Variants in COL6A1 observed in about 807,000 individuals in gnomAD.
COL6A1 encodes collagen type VI alpha 1 chain, also known as collagen alpha-1(VI) chain.
COL6A1 carries 80 observed loss-of-function variants against 145.6 expected under a neutral mutation model. The ratio of observed to expected loss-of-function variants is 0.55; its 90% CI spans 0.46 to 0.66. The LOEUF is 0.66. Ranked by LOEUF, COL6A1 falls within the 30% of genes least tolerant of loss-of-function variation. COL6A1 has a pLI of 0.00. For synonymous variants in COL6A1, 638 were observed against 622.8 expected (o/e 1.02, Z -0.36); for missense variants, 1,364 against 1,473.8 (o/e 0.93, Z 1.22).
chr21:46,001,978 G>A lies in COL6A1; in HGVS notation c.1974G>A (p.Ser658=), dbSNP rs568596125. 1.2e-5 allele frequency: 20 copies of A among 1,612,326 alleles called. No individual in the cohort carries two copies. The highest frequency in any genetic ancestry group is 2.7e-5 in the African/African-American group (2 of 74,916). The change falls in exon 31 of 35, where the codon TCG becomes TCA. Residue 658 remains serine (S), a synonymous_variant. Coordinates refer to ENST00000361866, the MANE Select transcript of COL6A1 (RefSeq NM_001848.3). ...TCCCACAGTTCGAGCCAGGGCAGTC[G>A]TACGCGGGTGTGGTGCAGTACAGCC... ...DELVKFEPGQ[S]YAGVVQYSHS... is the part of the protein sequence containing the mutation.
In COL6A1 at chr21:45,983,347, A is replaced by G. The variant is rs183365443; in HGVS notation, c.227+584A>G. Among the ~76,000 whole-genome samples, 362 of 138,010 alleles carry G rather than the reference A, an allele frequency of 2.6e-3. 3 individuals are homozygous for G. Among genetic ancestry groups the G allele is most frequent in the African/African-American group, 8.4e-3 (329 of 39,010 alleles). 90.5% of individuals were successfully genotyped at this position (138,010 alleles called of 152,430 possible). ...TCCATCTGTGCGTGTGGCTGAGGAC[A>G]GACCGGGGGGAGAGGGGAGTCGGTC... On this transcript the variant is annotated intron_variant, in intron 2 of 34. Transcript: ENST00000361866.
rs1254269427 is a variant in COL6A1 at position 45,982,015 on chromosome 21, C to T, written c.97+68C>T. The T allele has an allele frequency of 1.2e-5, 16 of 1,287,186 alleles. No homozygotes were observed. The East Asian group carries it at 4.0e-4, about 32-fold the overall frequency. The allele number at this position is 1,287,186 out of a possible 1,614,324, so 79.7% of individuals were successfully genotyped here. A position where few individuals can be genotyped will look rare whatever the true frequency, so the allele number is the denominator to read the frequency against. On this transcript the variant is annotated intron_variant, in intron 1 of 34. Transcript: ENST00000361866. ...TTGCTGCCGGCCAGGGCCAGATGCG[C>T]GGGGTCCCCTCCCACGCGTGGAACT...
chr21:45,992,770 C>A lies in COL6A1; in HGVS notation c.1295C>A (p.Pro432Gln), dbSNP rs1430838743. The change falls in exon 19 of 35, where the codon CCA becomes CAA. Residue 432 changes from proline (P) to glutamine (Q), a missense_variant. Pro to Gln is a moderately conservative substitution (Grantham distance 76). Around this residue, in one of 3 missense-constraint regions of COL6A1, gnomAD observed 938 missense variants for 1,003.8 expected, o/e 0.93. Coordinates refer to ENST00000361866, the MANE Select transcript of COL6A1 (RefSeq NM_001848.3). Reference protein sequence around the residue: ...GERGGPGERGPRGTPGTRGPR... With the variant: ...GERGGPGERGQRGTPGTRGPR... The stretch of plus-strand genomic sequence containing the variant: ...CAGGGTGGCCCTGGAGAGAGAGGAC[C>A]ACGGGGGACCCCAGGCACGCGGGGA... 2 of 1,600,626 alleles carry A rather than the reference C, an allele frequency of 1.2e-6. No homozygotes were observed. Among genetic ancestry groups the A allele is most frequent in the South Asian group, 1.1e-5 (1 of 88,498 alleles).
Position 45,997,673 on chromosome 21 carries a change from C to A in COL6A1, c.1462-27C>A, listed in dbSNP as rs1432193029. 1.9e-6 allele frequency: 3 copies of A among 1,574,594 alleles called. No individual in the cohort carries two copies. The Admixed American group carries it at 5.5e-5, about 29-fold the overall frequency. On this transcript the variant is annotated intron_variant, in intron 21 of 34. Coordinates refer to ENST00000361866, the MANE Select transcript of COL6A1 (RefSeq NM_001848.3). ...CCAAGGTCACCATGCTAAGCCTGCT[C>A]CCCTCACGCCTCCTCTTCCTCCTCA... is the stretch of plus-strand genomic sequence containing the variant.
At chr21:45,992,651 G>A in intron 18 of COL6A1, 97 bp from the exon 19 acceptor site, 1 of 1,297,504 alleles carries the variant, frequency 7.7e-7, no homozygotes, top group Non-Finnish European at 1.1e-6. Flanking sequence ...CAGGGGTCCT[G>A]CTGGGGGAGT....
At chr21:46,000,936 G>C in intron 29 of COL6A1, 169 bp downstream of exon 29, 1 of 900,728 alleles carries the variant, frequency 1.1e-6, no homozygotes, top group South Asian at 1.4e-5. Context: ...GGGTTCCCGG[G>C]TGTTGGGCTG....
rs111557860 is a variant in COL6A1, at chr21:45,991,250, A to G, written c.1119+209A>G. 0.088 allele frequency among the ~76,000 whole-genome samples: 13,432 copies of G among 152,294 alleles called. 1,739 individuals are homozygous for G. Among genetic ancestry groups the G allele is most frequent in the African/African-American group, 0.28 (11,714 of 41,538 alleles). On this transcript the variant is annotated intron_variant, in intron 15 of 34. Transcript: ENST00000361866. ...GACAGTGGCCGTGGCGCTCCCGCCCAGAGCCTTCCCTGCAGCCCGAGGGCC... is the reference window on the plus strand; with the variant it reads ...GACAGTGGCCGTGGCGCTCCCGCCCGGAGCCTTCCCTGCAGCCCGAGGGCC...
chr21:45,984,245 G>A (rs758971068), intron 2 of COL6A1, 24 bp from the exon 3 acceptor site: 10 of 1,585,230 alleles, frequency 6.3e-6, no homozygotes, highest in African/African-American at 2.7e-5. Context: ...CCCGCCTCAC[G>A]CCCGCCGTGC....
At chr21:45,990,701 A>C in intron 13 of COL6A1, 72 bp from the exon 14 acceptor site, 2 of 1,388,958 alleles carry the variant, frequency 1.4e-6, no homozygotes, top group Non-Finnish European at 2.0e-6. Flanking sequence ...GGAGGGCACC[A>C]AGTCTGACAG....
chr21:46,002,757 G>A (rs751906693), intron 33 of COL6A1, 47 bp downstream of exon 33: 59 of 1,527,490 alleles, frequency 3.9e-5, no homozygotes, highest in Non-Finnish European at 4.4e-5. Flanking sequence ...GTAGGTGCGC[G>A]CGGGGCCGCC....
At chr21:45,984,582 T>C (rs1225010853) in intron 3 of COL6A1, 113 bp downstream of exon 3, 4 of 1,023,142 alleles carry the variant, frequency 3.9e-6, no homozygotes, top group Non-Finnish European at 5.9e-6. Context: ...CCTGTTCTCT[T>C]GGAGGCTGCA....
rs773297854 is a variant in COL6A1, at chr21:46,001,989, T to C, written c.1985T>C (p.Val662Ala). 6.2e-7 allele frequency: 1 copy of C among 1,612,598 alleles called. No homozygotes were observed. Among genetic ancestry groups the C allele is most frequent in the South Asian group, 1.1e-5 (1 of 91,004 alleles). Reference protein sequence around the residue: ...KFEPGQSYAGVVQYSHSQMQE... With the variant: ...KFEPGQSYAGAVQYSHSQMQE... ...GAGCCAGGGCAGTCGTACGCGGGTG[T>C]GGTGCAGTACAGCCACAGCCAGATG... The change falls in exon 31 of 35, where the codon GTG becomes GCG. Residue 662 changes from valine to alanine, a missense_variant. This residue lies in a region of COL6A1 where 938 missense variants were observed against 1,003.8 expected (regional missense o/e 0.93). Coordinates refer to ENST00000361866, the MANE Select transcript of COL6A1 (RefSeq NM_001848.3).
Position 45,981,777 on chromosome 21 carries a change from A to C in COL6A1, c.-74A>C. The C allele has an allele frequency of 8.8e-7, 1 of 1,137,208 alleles. No homozygotes were observed. Among genetic ancestry groups the C allele is most frequent in the Non-Finnish European group, 1.2e-6 (1 of 802,596 alleles). The allele number at this position is 1,137,208 out of a possible 1,614,324, so 70.4% of individuals were successfully genotyped here. Reference sequence around the variant, plus strand: ...CTCACTCTGGCTGGGAGCAGAAGGCAGCCTCGGTCTCTGGGCGGCGGCGGC... The same window carrying C: ...CTCACTCTGGCTGGGAGCAGAAGGCCGCCTCGGTCTCTGGGCGGCGGCGGC... On this transcript the variant is annotated 5_prime_UTR_variant, in exon 1 of 35. Transcript: ENST00000361866.
rs2236485 is a variant in COL6A1, at chr21:46,002,725, A to G, written c.2434+15A>G. 0.86 allele frequency: 1,337,079 copies of G among 1,552,926 alleles called. 576,881 individuals carry two copies. The highest frequency in any genetic ancestry group is 0.92 in the Admixed American group (53,462 of 58,270). On this transcript the variant is annotated intron_variant, in intron 33 of 34. Coordinates refer to ENST00000361866, the MANE Select transcript of COL6A1 (RefSeq NM_001848.3). ...GATCTGCATAGGTGCGCATGGGGCC[A>G]CCCGGGCAGTCCCAGATCTGCGTAG...
intron 2 of COL6A1, among the ~76,000 whole-genome samples, chr21:45,983,690 G>A (rs1032703370): frequency 1.3e-5 from 2 of 152,298 alleles, no homozygotes; most frequent in Admixed American, 6.5e-5. Context: ...TGGCACCGGG[G>A]AGGGGCGGCC....
At chr21:45,993,688 C>T (rs1012636551) in intron 19 of COL6A1, among the ~76,000 whole-genome samples, 3 of 152,144 alleles carry the variant, frequency 2.0e-5, no homozygotes. Flanking sequence ...CAGAAGCGCA[C>T]AGCCCCCGTG....
At chr21:45,998,809 C>T (rs1173337296) in intron 24 of COL6A1, 88 bp from the exon 25 acceptor site, 93 of 1,307,462 alleles carry the variant, frequency 7.1e-5, no homozygotes, top group Non-Finnish European at 9.0e-5. Flanking sequence ...GAGTGCCTCT[C>T]TTATCTTTAT....
Position 46,002,309 on chromosome 21 carries a change from A to C in COL6A1, c.2158A>C (p.Asn720His). The C allele has an allele frequency of 6.3e-7, 1 of 1,594,202 alleles. No homozygotes were observed. The highest frequency in any genetic ancestry group is 8.5e-7 in the Non-Finnish European group (1 of 1,172,336). ...TRDQLLPPSP[N>H]NRIALVITDG... ...GGACCAGCTGCTGCCGCCCAGCCCG[A>C]ACAACCGCATCGCCCTGGTCATCAC... The change falls in exon 32 of 35, where the codon AAC (asparagine) becomes CAC (histidine). Residue 720 changes from asparagine (N) to histidine (H), a missense_variant. Coordinates refer to ENST00000361866, the MANE Select transcript of COL6A1 (RefSeq NM_001848.3).
intron 9 of COL6A1, among the ~76,000 whole-genome samples, 189 bp from the exon 10 acceptor site, chr21:45,989,418 CA>C (rs2077760839): frequency 1.3e-5 from 2 of 152,142 alleles, no homozygotes; most frequent in East Asian, 3.9e-4. Context: ...CTCCTTGGCC[CA>C]AATCCTATCC....
Sources: gnomAD v4.1 joint callset for allele counts (sites outside exome capture counted in the v4.1 genomes callset) on GRCh38, gnomAD v4.1.1 for gene constraint, gnomAD v4.1.1 regional missense constraint, MANE v1.5 for transcripts, NCBI Gene and HGNC (gene_info 2026-07-23, HGNC 2026-07-21) for gene names.